Variants in CCSER1 observed in about 807,000 individuals in gnomAD.
CCSER1 encodes the protein coiled-coil serine rich protein 1.
CCSER1 carries 41 observed loss-of-function variants against 82.0 expected under a neutral mutation model. That is an observed-to-expected ratio of 0.50 (90% CI 0.39 to 0.65). CCSER1 has a LOEUF of 0.65. Ranked by LOEUF, CCSER1 falls within the 30% of genes least tolerant of loss-of-function variation. The probability of loss-of-function intolerance (pLI) is 0.00; values close to 1 mark genes in which losing one functional copy is unlikely to be tolerated. For synonymous variants in CCSER1, 414 were observed against 383.9 expected (o/e 1.08, Z -0.92); for missense variants, 1,119 against 1,064.2 (o/e 1.05, Z -0.72).
At chr4:90,686,102 T>C (rs1167723181) in intron 6 of CCSER1, among the ~76,000 whole-genome samples, 1 of 152,182 alleles carries the variant, frequency 6.6e-6, no homozygotes, top group Non-Finnish European at 1.5e-5. Context: ...TTTATTTGGC[T>C]TCTAGCTCAC....
intron 10 of CCSER1, among the ~76,000 whole-genome samples, chr4:91,382,656 G>A (rs1243893195): frequency 6.6e-6 from 1 of 152,140 alleles, no homozygotes; most frequent in Non-Finnish European, 1.5e-5. Flanking sequence ...TGCGCTTCTT[G>A]GGTGAGGCGA....
chr4:91,429,159 G>A (rs1754154253), intron 10 of CCSER1, among the ~76,000 whole-genome samples: 1 of 151,666 alleles, frequency 6.6e-6, no homozygotes, highest in African/African-American at 2.4e-5. Context: ...TGCCATCACA[G>A]AATAAAATGT....
At chr4:90,567,609 A>ATTT (rs34322120) in intron 5 of CCSER1, among the ~76,000 whole-genome samples, 1 of 123,662 alleles carries the variant, frequency 8.1e-6, no homozygotes, top group Admixed American at 8.2e-5. Flanking sequence ...TTTTTTAATG[A>ATTT]TTTTTTTTTT....
chr4:91,061,412 C>T (rs905649366), intron 9 of CCSER1, among the ~76,000 whole-genome samples: 1 of 152,024 alleles, frequency 6.6e-6, no homozygotes, highest in African/African-American at 2.4e-5. Flanking sequence ...AGATTTTTCT[C>T]AGCCCTCTCC....
intron 8 of CCSER1, among the ~76,000 whole-genome samples, chr4:90,905,386 A>T (rs528499770): frequency 6.6e-6 from 1 of 151,552 alleles, no homozygotes; most frequent in Non-Finnish European, 1.5e-5. Flanking sequence ...ACACACACAT[A>T]TATTAGTTTC....
At position 90,315,496 on chromosome 4, in the gene CCSER1, T is replaced by G. The variant is rs543912939; in HGVS notation, c.1509+2449T>G. On this transcript the variant is annotated intron_variant, in intron 3 of 10. Coordinates refer to ENST00000509176, the MANE Select transcript of CCSER1 (RefSeq NM_001145065.2). ...TTTCAGTTACTTTACAGTTTATTCATTTTTTATTTTAATTTTTAATTTTTT... is the reference window on the plus strand; with the variant it reads ...TTTCAGTTACTTTACAGTTTATTCAGTTTTTATTTTAATTTTTAATTTTTT... Among the ~76,000 whole-genome samples the G allele has an allele frequency of 9.9e-5, 15 of 152,244 alleles. No individual in the cohort carries two copies. In the East Asian group the frequency reaches 1.2e-3, roughly 12 times the overall value.
rs560574793 is a variant in CCSER1, at chr4:90,756,824, T to A, written c.2010+32833T>A. On this transcript the variant is annotated intron_variant, in intron 7 of 10. Transcript: ENST00000509176. ...ATTTTAGATTTTTATTAAGTACTTA[T>A]TGAACAAAGTATTTCTTAAGTTTCA... Among the ~76,000 whole-genome samples the A allele has an allele frequency of 5.9e-5, 9 of 152,330 alleles. No individual in the cohort carries two copies. The South Asian group carries it at 1.9e-3, about 32-fold the overall frequency.
At chr4:90,644,672 T>C (rs1488322521) in intron 6 of CCSER1, among the ~76,000 whole-genome samples, 2 of 151,718 alleles carry the variant, frequency 1.3e-5, no homozygotes, top group Admixed American at 6.6e-5. Flanking sequence ...CCTCTGTCCA[T>C]GTGTTCTCAT....
intron 1 of CCSER1, among the ~76,000 whole-genome samples, chr4:90,172,733 T>C (rs752096892): frequency 6.6e-6 from 1 of 151,750 alleles, no homozygotes; most frequent in Non-Finnish European, 1.5e-5. Flanking sequence ...TCTGGGAAAA[T>C]GAGACAATAT....
chr4:91,083,436 A>C lies in CCSER1; in HGVS notation c.2173-2514A>C, dbSNP rs576217864. On this transcript the variant is annotated intron_variant, in intron 9 of 10. Transcript: ENST00000509176. The stretch of plus-strand genomic sequence containing the variant: ...GGGGGTTGGCGGGGGGAAGGATAGC[A>C]TTAGGAGATATACCTAATGTAAATG... Among the ~76,000 whole-genome samples, 10 of 152,260 alleles carry C rather than the reference A, an allele frequency of 6.6e-5. No individual in the cohort carries two copies. The East Asian group carries it at 1.9e-3, about 29-fold the overall frequency.
intron 9 of CCSER1, among the ~76,000 whole-genome samples, chr4:91,054,711 T>TGGG (rs1561507417): frequency 2.3e-4 from 35 of 150,764 alleles, no homozygotes; most frequent in Non-Finnish European, 4.6e-4. Flanking sequence ...GATTTTTTTT[T>TGGG]GGGGCGGTGG....
chr4:91,216,270 C>T (rs1309897132), intron 10 of CCSER1, among the ~76,000 whole-genome samples: 2 of 152,154 alleles, frequency 1.3e-5, no homozygotes, highest in African/African-American at 2.4e-5. Flanking sequence ...ATGTTAATCA[C>T]TTTCTTATGA....
chr4:90,618,479 C>A (rs1180980684), intron 5 of CCSER1, among the ~76,000 whole-genome samples: 2 of 151,770 alleles, frequency 1.3e-5, no homozygotes, highest in African/African-American at 4.8e-5. Flanking sequence ...TTTGTGCATT[C>A]TTCAAATGGC....
intron 5 of CCSER1, among the ~76,000 whole-genome samples, chr4:90,531,557 C>T (rs115903442): frequency 0.014 from 2,177 of 152,180 alleles, 22 homozygotes; most frequent in Non-Finnish European, 0.021. Flanking sequence ...AGGGGCAATA[C>T]TTTCATTGCA....
chr4:90,629,767 T>C (rs1424267012), intron 6 of CCSER1, among the ~76,000 whole-genome samples: 3 of 152,230 alleles, frequency 2.0e-5, no homozygotes, highest in Non-Finnish European at 4.4e-5. Flanking sequence ...ACTTGATTAC[T>C]CTTAGAATTT....
chr4:91,256,627 A>G (rs1257464094), intron 10 of CCSER1, among the ~76,000 whole-genome samples: 1 of 152,162 alleles, frequency 6.6e-6, no homozygotes, highest in Non-Finnish European at 1.5e-5. Context: ...TTAGGGAAAT[A>G]GAAAAGAACC....
chr4:91,251,037 C>T (rs1740213679), intron 10 of CCSER1, among the ~76,000 whole-genome samples: 1 of 152,134 alleles, frequency 6.6e-6, no homozygotes, highest in Non-Finnish European at 1.5e-5. Context: ...CAACAAACCT[C>T]TGAAGTAGGT....
chr4:91,287,436 T>C (rs113582661), intron 10 of CCSER1, among the ~76,000 whole-genome samples: 17 of 151,994 alleles, frequency 1.1e-4, no homozygotes, highest in Non-Finnish European at 1.9e-4. Flanking sequence ...ATTTTAGATA[T>C]AGCTTTGATT....
In CCSER1 at chr4:90,532,853, C is replaced by G. The variant is rs547732052; in HGVS notation, c.1724+64499C>G. 2.8e-4 allele frequency among the ~76,000 whole-genome samples: 42 copies of G among 152,262 alleles called. No homozygotes were observed. In the East Asian group the frequency reaches 4.1e-3, roughly 15 times the overall value. On this transcript the variant is annotated intron_variant, in intron 5 of 10. Transcript: ENST00000509176. ...CTTTGAGTAGCTTCCTCCTCTACTT[C>G]TCCCAAGTATCTATCTTGGCTTTTT...
Sources: gnomAD v4.1 joint callset for allele counts (sites outside exome capture counted in the v4.1 genomes callset) on GRCh38, gnomAD v4.1.1 for gene constraint, MANE v1.5 for transcripts, NCBI Gene and HGNC (gene_info 2026-07-23, HGNC 2026-07-21) for gene names.